Variants in CLDN10 observed in about 807,000 individuals in gnomAD.
CLDN10 encodes the protein claudin-10.
In CLDN10, 15 loss-of-function variants were observed where a neutral mutation model predicts 22.9. That is an observed-to-expected ratio of 0.65 (90% CI 0.44 to 1.01). The LOEUF (loss-of-function observed/expected upper bound fraction) is 1.01. CLDN10 is among the 50% of genes least tolerant of loss of function. The probability of loss-of-function intolerance (pLI) is 0.00; values close to 1 mark genes in which losing one functional copy is unlikely to be tolerated. For missense variants in CLDN10, 247 were observed against 287.8 expected, an observed-to-expected ratio of 0.86 and a Z score of 1.03; for synonymous variants, 114 against 111.4, an observed-to-expected ratio of 1.02 and a Z score of -0.15.
At chr13:95,528,865 A>G (rs2043312397) in intron 1 of CLDN10, among the ~76,000 whole-genome samples, 1 of 152,212 alleles carries the variant, frequency 6.6e-6, no homozygotes, top group African/African-American at 2.4e-5. Context: ...AGTTAAAGAG[A>G]GAAGTTAAGT....
Position 95,532,017 on chromosome 13 carries a change from G to T in CLDN10, c.215-28115G>T, listed in dbSNP as rs1034790588. 2.0e-5 allele frequency among the ~76,000 whole-genome samples: 3 copies of T among 151,808 alleles called. 1 individual carries two copies. Among genetic ancestry groups the T allele is most frequent in the African/African-American group, 7.3e-5 (3 of 41,278 alleles). On this transcript the variant is annotated intron_variant, in intron 1 of 4. Coordinates refer to the CLDN10 transcript ENST00000376873. ...TACCAAACAAACAATAATTAGAGATGGATCATAGGCCACATAAAAAACAGC... is the reference window on the plus strand; with the variant it reads ...TACCAAACAAACAATAATTAGAGATTGATCATAGGCCACATAAAAAACAGC...
intron 3 of CLDN10, among the ~76,000 whole-genome samples, chr13:95,569,799 T>C (rs931459176): frequency 6.6e-6 from 1 of 151,696 alleles, no homozygotes; most frequent in African/African-American, 2.4e-5. Context: ...GACGGAGTCT[T>C]GCTCTGTCGC....
At chr13:95,530,929 CTT>C (rs1269039220) in intron 1 of CLDN10, among the ~76,000 whole-genome samples, 24 of 141,668 alleles carry the variant, frequency 1.7e-4, no homozygotes, top group Admixed American at 2.1e-4. Flanking sequence ...ATCATCTTTC[CTT>C]TTTTTTTTTT....
At chr13:95,558,053 A>C (rs1332632952) in intron 1 of CLDN10, among the ~76,000 whole-genome samples, 1 of 152,226 alleles carries the variant, frequency 6.6e-6, no homozygotes, top group African/African-American at 2.4e-5. Context: ...GAGTATATAT[A>C]AATGGATGAG....
At chr13:95,434,156 T>A (rs1039739472) in intron 1 of CLDN10, 3 of 932,902 alleles carry the variant, frequency 3.2e-6, no homozygotes, top group Non-Finnish European at 3.4e-6. Context: ...ACTGAGTGCT[T>A]AATCAAAGTG....
chr13:95,498,024 TAC>T (rs570487414), intron 1 of CLDN10, among the ~76,000 whole-genome samples: 1 of 152,228 alleles, frequency 6.6e-6, no homozygotes, highest in Non-Finnish European at 1.5e-5. Context: ...GGGAAATTTT[TAC>T]AGTCTATTAA....
At chr13:95,515,824 C>T (rs1198331218) in intron 1 of CLDN10, among the ~76,000 whole-genome samples, 1 of 152,144 alleles carries the variant, frequency 6.6e-6, no homozygotes, top group African/African-American at 2.4e-5. Context: ...CTTCTGCCTA[C>T]TTGGCTCCAA....
chr13:95,512,006 C>T (rs938115750), intron 1 of CLDN10, among the ~76,000 whole-genome samples: 13 of 132,248 alleles, frequency 9.8e-5, no homozygotes, highest in Non-Finnish European at 1.8e-4. Flanking sequence ...CCTCTCCCCC[C>T]ACCCCACAAC....
intron 1 of CLDN10, among the ~76,000 whole-genome samples, chr13:95,518,990 T>C (rs912081109): frequency 3.3e-4 from 50 of 152,240 alleles, no homozygotes; most frequent in African/African-American, 1.1e-3. Context: ...GAGGCCTCCA[T>C]GAGTATGTGA....
chr13:95,521,020 A>G (rs1006093847), intron 1 of CLDN10, among the ~76,000 whole-genome samples: 10 of 151,912 alleles, frequency 6.6e-5, no homozygotes, highest in Non-Finnish European at 1.5e-4. Context: ...ATTAATTTTT[A>G]TATGTTGGCT....
chr13:95,446,756 C>T (rs565238273), intron 1 of CLDN10, among the ~76,000 whole-genome samples: 199 of 152,138 alleles, frequency 1.3e-3, no homozygotes, highest in Admixed American at 2.1e-3. Context: ...GCAGGAGAAT[C>T]GCTTGAACCC....
chr13:95,540,189 A>G (rs757579468), intron 1 of CLDN10, among the ~76,000 whole-genome samples: 6 of 152,130 alleles, frequency 3.9e-5, no homozygotes, highest in Non-Finnish European at 7.4e-5. Context: ...AGTCCCAGCT[A>G]CTTGGGAGGC....
At chr13:95,479,678 A>G (rs2042722663) in intron 1 of CLDN10, 1 of 152,224 alleles carries the variant, frequency 6.6e-6, no homozygotes, top group African/African-American at 2.4e-5. Context: ...TTAAACAGAC[A>G]TGGTTTGCAG....
rs370688579 is a variant in CLDN10, at chr13:95,463,856, C to A, written c.214+29809C>A. Among the ~76,000 whole-genome samples the A allele has an allele frequency of 1.6e-3, 248 of 152,110 alleles. 9 individuals are homozygous for A. In the South Asian group the frequency reaches 0.047, roughly 29 times the overall value. On this transcript the variant is annotated intron_variant, in intron 1 of 4. Transcript: ENST00000376873. The stretch of plus-strand genomic sequence containing the variant: ...TCTTTTTTGGACAACTCAGCTAGGG[C>A]TATCATTTCTTTGTGCCATTTATGG...
chr13:95,522,952 T>C (rs558285225), intron 1 of CLDN10, among the ~76,000 whole-genome samples: 1 of 152,086 alleles, frequency 6.6e-6, no homozygotes, highest in South Asian at 2.1e-4. Context: ...GTTTTTGTTT[T>C]GTCTCTTGGG....
At chr13:95,458,038 T>C (rs2042499029) in intron 1 of CLDN10, among the ~76,000 whole-genome samples, 1 of 152,310 alleles carries the variant, frequency 6.6e-6, no homozygotes, top group African/African-American at 2.4e-5. Context: ...TAATGGGGGT[T>C]GGCTGACCTT....
intron 1 of CLDN10, among the ~76,000 whole-genome samples, chr13:95,503,470 C>A (rs753814168): frequency 3.3e-5 from 5 of 152,136 alleles, no homozygotes; most frequent in African/African-American, 4.8e-5. Flanking sequence ...ACCGTATGAT[C>A]TAGAAATTCC....
At chr13:95,542,865 T>C (rs536540460) in intron 1 of CLDN10, among the ~76,000 whole-genome samples, 2 of 152,064 alleles carry the variant, frequency 1.3e-5, no homozygotes, top group South Asian at 4.2e-4. Flanking sequence ...AGCAAACAAA[T>C]AATGGTAAAA....
chr13:95,570,818 GTA>G (rs1302838719), intron 3 of CLDN10, among the ~76,000 whole-genome samples: 19 of 123,076 alleles, frequency 1.5e-4, no homozygotes, highest in African/African-American at 4.2e-4. Context: ...ATTTAAAAAT[GTA>G]TATATATATA....
Sources: gnomAD v4.1 joint callset for allele counts (sites outside exome capture counted in the v4.1 genomes callset) on GRCh38, gnomAD v4.1.1 for gene constraint, MANE v1.5 for transcripts, NCBI Gene and HGNC (gene_info 2026-07-23, HGNC 2026-07-21) for gene names.